Variants in DENND11 observed in about 807,000 individuals in gnomAD.
DENND11 encodes the protein DENN domain-containing protein 11.
Under a neutral mutation model 49.2 loss-of-function variants are expected in DENND11, and 34 were observed. That is an observed-to-expected ratio of 0.69 (90% confidence interval 0.53 to 0.92). The LOEUF is 0.92. Ranked by LOEUF, DENND11 falls within the 40% of genes least tolerant of loss-of-function variation. The pLI is 0.00. For synonymous variants in DENND11, 238 were observed against 230.3 expected (o/e 1.03, Z -0.30); for missense variants, 475 against 581.6 (o/e 0.82, Z 1.88).
At chr7:141,677,535 ATATC>A (rs1469296595) in intron 3 of DENND11, among the ~76,000 whole-genome samples, 1 of 146,764 alleles carries the variant, frequency 6.8e-6, no homozygotes, top group South Asian at 2.1e-4. Context: ...ATATATATAT[ATATC>A]TGTCTGAACA....
chr7:141,681,770 A>G (rs1408406411), intron 3 of DENND11, among the ~76,000 whole-genome samples: 1 of 152,240 alleles, frequency 6.6e-6, no homozygotes, highest in Non-Finnish European at 1.5e-5. Context: ...CTCCAAATCT[A>G]TACCAGCAGG....
chr7:141,674,691 C>T (rs189627536), intron 3 of DENND11, among the ~76,000 whole-genome samples: 121 of 152,250 alleles, frequency 7.9e-4, no homozygotes, highest in Admixed American at 1.3e-3. Flanking sequence ...GGAGCTTACC[C>T]CAAATGTCTC....
intron 3 of DENND11, among the ~76,000 whole-genome samples, chr7:141,684,749 G>A (rs1434742673): frequency 6.6e-6 from 1 of 151,976 alleles, no homozygotes; most frequent in Non-Finnish European, 1.5e-5. Context: ...ACACAGAAAA[G>A]AAGTGGTAAC....
rs755731035 is a variant in DENND11 at position 141,674,056 on chromosome 7, G to A, written c.681+11C>T. 1.9e-6 allele frequency: 3 copies of A among 1,603,426 alleles called. No individual in the cohort carries two copies. The highest frequency in any genetic ancestry group is 1.1e-5 in the South Asian group (1 of 88,534). ...TCCAGTATAGTGTAAGAAAAGCAGG[G>A]CTAACCTCACCTTCATCTCAGGGTA... On this transcript the variant is annotated intron_variant, in intron 4 of 8. Coordinates refer to ENST00000536163, the MANE Select transcript of DENND11 (RefSeq NM_001080392.2).
At chr7:141,677,499 GTGTGTA>G (rs1429047462) in intron 3 of DENND11, among the ~76,000 whole-genome samples, 1 of 130,992 alleles carries the variant, frequency 7.6e-6, no homozygotes, top group East Asian at 2.4e-4. Flanking sequence ...GTGTGTGTGT[GTGTGTA>G]TATATATATA....
rs747949380 is a variant in DENND11 at position 141,665,318 on chromosome 7, A to G, written c.821T>C (p.Val274Ala). ...GTTGGCCAAGCAGCAGCAGCAGTAC[A>G]CTGTGGGGATAGAGGAGGTGAGCGG... Reference protein sequence around the residue: ...PPPVGVVCYRVYCCCCLANVS... With the variant: ...PPPVGVVCYRAYCCCCLANVS... The change falls in exon 6 of 9, where the codon GTG becomes GCG. Residue 274 changes from valine (V) to alanine (A), a missense_variant and splice_region_variant. By Grantham distance (64) the Val-to-Ala change is moderately conservative. Transcript: ENST00000536163. 6 of 1,613,872 alleles carry G rather than the reference A, an allele frequency of 3.7e-6. No homozygotes were observed. The highest frequency in any genetic ancestry group is 4.2e-6 in the Non-Finnish European group (5 of 1,179,846).
At chr7:141,674,679 A>G (rs1798038210) in intron 3 of DENND11, among the ~76,000 whole-genome samples, 1 of 152,228 alleles carries the variant, frequency 6.6e-6, no homozygotes, top group African/African-American at 2.4e-5. Context: ...ATGGAAGAAT[A>G]CGGAGCTTAC....
intron 8 of DENND11, 60 bp downstream of exon 8, chr7:141,664,112 G>T: frequency 7.6e-7 from 1 of 1,316,528 alleles, no homozygotes; most frequent in Non-Finnish European, 1.1e-6. Flanking sequence ...GAGGGATGCA[G>T]GTCACTCAGT....
chr7:141,687,631 ATTTTTT>A (rs36080710), intron 1 of DENND11, among the ~76,000 whole-genome samples: 1 of 112,826 alleles, frequency 8.9e-6, no homozygotes, highest in South Asian at 3.2e-4. Context: ...CACTCGGCTA[ATTTTTT>A]TTTTTTTTTT....
At chr7:141,700,476 TGA>T (rs1798492484) in intron 1 of DENND11, among the ~76,000 whole-genome samples, 1 of 140,234 alleles carries the variant, frequency 7.1e-6, no homozygotes. Context: ...AGACACTGTC[TGA>T]AAAAAAAAAA....
intron 1 of DENND11, among the ~76,000 whole-genome samples, chr7:141,700,744 A>G (rs889589502): frequency 6.6e-6 from 1 of 152,056 alleles, no homozygotes; most frequent in African/African-American, 2.4e-5. Context: ...TGAATCCCAC[A>G]TTCTTCCTGT....
At chr7:141,691,980 C>T (rs1563004644) in intron 1 of DENND11, among the ~76,000 whole-genome samples, 1 of 152,056 alleles carries the variant, frequency 6.6e-6, no homozygotes. Flanking sequence ...ATTACCTTAG[C>T]AATAGTAATA....
chr7:141,697,533 G>C (rs1362418217), intron 1 of DENND11, among the ~76,000 whole-genome samples: 1 of 152,126 alleles, frequency 6.6e-6, no homozygotes, highest in Non-Finnish European at 1.5e-5. Context: ...CTTTTTCTTT[G>C]CCTGCATTTG....
chr7:141,688,692 C>T (rs1798281617), intron 1 of DENND11, among the ~76,000 whole-genome samples: 1 of 152,174 alleles, frequency 6.6e-6, no homozygotes, highest in South Asian at 2.1e-4. Flanking sequence ...ATGTCTATTA[C>T]CTTCACAGTC....
intron 1 of DENND11, among the ~76,000 whole-genome samples, chr7:141,695,584 C>T (rs1272799966): frequency 1.3e-5 from 2 of 152,204 alleles, no homozygotes; most frequent in Non-Finnish European, 2.9e-5. Context: ...AGAAACTCAT[C>T]CTGACTGCTA....
rs558199597 is a variant in DENND11 at position 141,683,404 on chromosome 7, G to T, written c.527+2074C>A. On this transcript the variant is annotated intron_variant, in intron 3 of 8. Coordinates refer to ENST00000536163, the MANE Select transcript of DENND11 (RefSeq NM_001080392.2). ...GCCGGTAATCCCAGAACTCTGGGAG[G>T]CCGAGGTGGGCAGATCACGAGGTCA... 1.2e-3 allele frequency among the ~76,000 whole-genome samples: 188 copies of T among 152,290 alleles called. 1 individual carries two copies. The highest frequency in any genetic ancestry group is 4.0e-3 in the African/African-American group (167 of 41,552).
chr7:141,692,168 A>C (rs1358932709), intron 1 of DENND11, among the ~76,000 whole-genome samples: 4 of 152,220 alleles, frequency 2.6e-5, no homozygotes, highest in Non-Finnish European at 5.9e-5. Flanking sequence ...TGTCAATGCA[A>C]CAGATGTACT....
chr7:141,694,929 C>T (rs1275046362), intron 1 of DENND11, among the ~76,000 whole-genome samples: 2 of 152,190 alleles, frequency 1.3e-5, no homozygotes. Context: ...GCCCCCCTCC[C>T]ACCACACATA....
intron 1 of DENND11, among the ~76,000 whole-genome samples, chr7:141,697,071 G>C (rs903057404): frequency 7.2e-5 from 11 of 152,200 alleles, no homozygotes; most frequent in Non-Finnish European, 1.2e-4. Context: ...TCTCCACTGG[G>C]TGGTAGTGTG....
Sources: gnomAD v4.1 joint callset for allele counts (sites outside exome capture counted in the v4.1 genomes callset) on GRCh38, gnomAD v4.1.1 for gene constraint, MANE v1.5 for transcripts, NCBI Gene and HGNC (gene_info 2026-07-23, HGNC 2026-07-21) for gene names.